Variants in MTMR9 observed in about 807,000 individuals in gnomAD.
The protein encoded by MTMR9 is myotubularin related protein 9, also known as myotubularin-related protein 9.
Under a neutral mutation model 69.5 loss-of-function variants are expected in MTMR9, and 39 were observed. That is an observed-to-expected ratio of 0.56 (90% CI 0.43 to 0.73). MTMR9 has a LOEUF of 0.73. Ranked by LOEUF, MTMR9 falls within the 30% of genes least tolerant of loss-of-function variation. The pLI is 0.00. For synonymous variants in MTMR9, 354 were observed against 240.8 expected (o/e 1.47, Z -4.35); for missense variants, 900 against 671.2 (o/e 1.34, Z -3.77).
At chr8:11,322,583 T>G in intron 9 of MTMR9, 42 bp from the exon 10 acceptor site, 1 of 1,559,208 alleles carries the variant, frequency 6.4e-7, no homozygotes, top group Non-Finnish European at 8.8e-7. Context: ...ATCCATTGTA[T>G]ATACCTTTCT....
At chr8:11,331,476 G>A (rs369911478), downstream of MTMR9, 123 of 1,613,838 alleles carry the variant, frequency 7.6e-5, no homozygotes, top group Non-Finnish European at 9.1e-5. Context: ...TGCAGTTCAG[G>A]TGGTGCCCGC....
At chr8:11,337,848 T>A in the MTMR9 span, among the ~76,000 whole-genome samples, 1 of 152,226 alleles carries the variant, frequency 6.6e-6, no homozygotes, top group Non-Finnish European at 1.5e-5. Context: ...TTGATGTCAC[T>A]CTTGAGGTTG....
chr8:11,327,005 T>C lies in MTMR9; in HGVS notation c.*4217T>C, dbSNP rs1441075257. The C allele has an allele frequency of 6.6e-6, 1 of 151,900 alleles. No homozygotes were observed. The highest frequency in any genetic ancestry group is 1.5e-5 in the Non-Finnish European group (1 of 68,008). The allele number at this position is 151,900 out of a possible 1,614,324, so 9.4% of individuals were successfully genotyped here. A position where few individuals can be genotyped will look rare whatever the true frequency, so the allele number is the denominator to read the frequency against. ...AAAAAAAAAGACTCATTTATCCATT[T>C]ACATTTATTCTCAGATGATAAAATA... On this transcript the variant is annotated 3_prime_UTR_variant, in exon 10 of 10. Coordinates refer to ENST00000221086, the MANE Select transcript of MTMR9 (RefSeq NM_015458.4).
At position 11,327,747 on chromosome 8, in the gene MTMR9, T is replaced by G. The variant is rs1801003153; in HGVS notation, c.*4959T>G. 1 of 152,664 alleles carries G rather than the reference T, an allele frequency of 6.6e-6. No individual in the cohort carries two copies. Among genetic ancestry groups the G allele is most frequent in the African/African-American group, 2.4e-5 (1 of 41,454 alleles). 9.5% of individuals were successfully genotyped at this position (152,664 alleles called of 1,614,324 possible). ...TTGCACTGTATGGCAAATATGTCTA[T>G]AATGTATGCTTTGCTGAAACCTCAA... On this transcript the variant is annotated 3_prime_UTR_variant, in exon 10 of 10. Transcript: ENST00000221086.
intron 8 of MTMR9, chr8:11,317,479 A>G (rs1034067292): frequency 3.3e-5 from 5 of 152,170 alleles, no homozygotes; most frequent in Admixed American, 1.3e-4. Context: ...GATTCCCCAC[A>G]TGCGCAGCTC....
chr8:11,299,693 T>A (rs890699679), intron 2 of MTMR9, among the ~76,000 whole-genome samples: 4 of 152,234 alleles, frequency 2.6e-5, no homozygotes, highest in African/African-American at 9.6e-5. Context: ...CAGAAATACT[T>A]AGACCTTTTT....
At chr8:11,309,263 T>C (rs1454808027) in intron 5 of MTMR9, among the ~76,000 whole-genome samples, 1 of 152,190 alleles carries the variant, frequency 6.6e-6, no homozygotes, top group African/African-American at 2.4e-5. Flanking sequence ...GCCTCTCCTA[T>C]AGTCAGATAA....
At chr8:11,303,844 G>A (rs752669424) in intron 3 of MTMR9, among the ~76,000 whole-genome samples, 5 of 152,030 alleles carry the variant, frequency 3.3e-5, no homozygotes, top group Non-Finnish European at 7.4e-5. Flanking sequence ...TAGAAACTAT[G>A]TTTTTAAACT....
chr8:11,308,636 T>C (rs1327238873), intron 5 of MTMR9, among the ~76,000 whole-genome samples: 1 of 152,262 alleles, frequency 6.6e-6, no homozygotes, highest in African/African-American at 2.4e-5. Flanking sequence ...TGTTAATGTG[T>C]AATTGTTCAC....
chr8:11,289,511 A>T (rs1799305207), intron 1 of MTMR9, among the ~76,000 whole-genome samples: 1 of 152,046 alleles, frequency 6.6e-6, no homozygotes, highest in African/African-American at 2.4e-5. Context: ...GACCTCAGAA[A>T]ATTGAGTTAC....
At position 11,289,018 on chromosome 8, in the gene MTMR9, A is replaced by G. The variant is rs567332854; in HGVS notation, c.182+3948A>G. Among the ~76,000 whole-genome samples the G allele has an allele frequency of 2.2e-3, 331 of 152,262 alleles. 1 individual carries two copies. The highest frequency in any genetic ancestry group is 7.6e-3 in the African/African-American group (316 of 41,548). ...GAAACCTCATCTCTACTGAAAATAC[A>G]AAAAATAGCTGGGTTTGGTGGTGCA... On this transcript the variant is annotated intron_variant, in intron 1 of 9. Transcript: ENST00000221086.
At chr8:11,297,562 T>A (rs1420383681) in intron 2 of MTMR9, among the ~76,000 whole-genome samples, 1 of 151,950 alleles carries the variant, frequency 6.6e-6, no homozygotes, top group Non-Finnish European at 1.5e-5. Context: ...GAGATTGGAT[T>A]TTCACTGACC....
At chr8:11,288,342 A>T (rs1002115704) in intron 1 of MTMR9, among the ~76,000 whole-genome samples, 9 of 140,492 alleles carry the variant, frequency 6.4e-5, no homozygotes, top group Non-Finnish European at 1.2e-4. Flanking sequence ...AATATATAAT[A>T]TATTTATATA....
At position 11,323,863 on chromosome 8, in the gene MTMR9, AG is replaced by A. The variant is rs1800804535; in HGVS notation, c.*1080del. 1 of 152,126 alleles carries A rather than the reference AG, an allele frequency of 6.6e-6. No homozygotes were observed. Among genetic ancestry groups the A allele is most frequent in the Non-Finnish European group, 1.5e-5 (1 of 68,004 alleles). The allele number at this position is 152,126 out of a possible 1,614,324, so 9.4% of individuals were successfully genotyped here. A position where few individuals can be genotyped will look rare whatever the true frequency, so the allele number is the denominator to read the frequency against. On this transcript the variant is annotated 3_prime_UTR_variant, in exon 10 of 10. Transcript: ENST00000221086. ...TGTTAGGCAAATATAACTTAAGTGG[AG>A]GGGGAAGTTTATGAATATAATATAG...
downstream of MTMR9, chr8:11,331,971 G>C (rs763525645): frequency 2.5e-6 from 4 of 1,612,014 alleles, no homozygotes; most frequent in Admixed American, 5.0e-5. Context: ...CCTGCATTCC[G>C]AGGTGGTTGT....
intron 3 of MTMR9, among the ~76,000 whole-genome samples, chr8:11,301,332 G>C (rs1480211285): frequency 6.6e-6 from 1 of 152,038 alleles, no homozygotes; most frequent in Admixed American, 6.6e-5. Context: ...CAGAATACAG[G>C]GTACAGAAAT....
intron 1 of MTMR9, among the ~76,000 whole-genome samples, chr8:11,289,521 C>T (rs1041997811): frequency 5.9e-5 from 9 of 151,714 alleles, no homozygotes; most frequent in Non-Finnish European, 1.0e-4. Context: ...AATTGAGTTA[C>T]TACTACTCAG....
chr8:11,293,265 C>G (rs1799429493), intron 1 of MTMR9, among the ~76,000 whole-genome samples: 1 of 151,968 alleles, frequency 6.6e-6, no homozygotes, highest in Non-Finnish European at 1.5e-5. Context: ...TTGGAAAAAG[C>G]TTATAGAATG....
intron 6 of MTMR9, among the ~76,000 whole-genome samples, chr8:11,313,174 T>C (rs990040894): frequency 1.3e-5 from 2 of 152,230 alleles, no homozygotes; most frequent in African/African-American, 4.8e-5. Flanking sequence ...GCTTCTTTCC[T>C]TAAACCTCAT....
Sources: gnomAD v4.1 joint callset for allele counts (sites outside exome capture counted in the v4.1 genomes callset) on GRCh38, gnomAD v4.1.1 for gene constraint, MANE v1.5 for transcripts, NCBI Gene and HGNC (gene_info 2026-07-23, HGNC 2026-07-21) for gene names.